COMMD10: variants seen among roughly 807,000 people sequenced by gnomAD.
The protein encoded by COMMD10 is COMM domain containing 10, also known as COMM domain-containing protein 10.
Under a neutral mutation model 28.9 loss-of-function variants are expected in COMMD10, and 33 were observed. That is an observed-to-expected ratio of 1.14 (90% CI 0.87 to 1.53). The LOEUF (loss-of-function observed/expected upper bound fraction) is 1.53, where lower values mean the gene tolerates loss of function less well. Among genes scored for constraint, COMMD10 ranks in the 40% most tolerant of loss-of-function variants. The pLI, the probability that COMMD10 is intolerant of heterozygous loss-of-function variation, is 0.00. For missense variants in COMMD10, 310 were observed against 233.4 expected, an observed-to-expected ratio of 1.33 and a Z score of -2.14; for synonymous variants, 110 against 81.7, an observed-to-expected ratio of 1.35 and a Z score of -1.87.
intron 5 of COMMD10, among the ~76,000 whole-genome samples, chr5:116,172,242 G>A (rs571830641): frequency 2.0e-5 from 3 of 152,094 alleles, no homozygotes; most frequent in Non-Finnish European, 4.4e-5. Context: ...GGAGGGAGGT[G>A]TGAGAGGAAA....
intron 4 of COMMD10, among the ~76,000 whole-genome samples, chr5:116,104,216 G>C (rs932809448): frequency 6.6e-6 from 1 of 152,150 alleles, no homozygotes; most frequent in African/African-American, 2.4e-5. Context: ...GGATAGCATT[G>C]AATCTATAAA....
At chr5:116,269,590 A>G (rs1180004280) in intron 5 of COMMD10, among the ~76,000 whole-genome samples, 1 of 151,830 alleles carries the variant, frequency 6.6e-6, no homozygotes, top group East Asian at 1.9e-4. Flanking sequence ...CATTTATAAA[A>G]TTATATGTTT....
At chr5:116,222,428 A>G (rs554519546) in intron 5 of COMMD10, among the ~76,000 whole-genome samples, 1 of 152,212 alleles carries the variant, frequency 6.6e-6, no homozygotes, top group Admixed American at 6.5e-5. Flanking sequence ...CCATTAGGGT[A>G]TCAAAGTCTT....
intron 5 of COMMD10, among the ~76,000 whole-genome samples, chr5:116,168,697 C>T (rs957584481): frequency 6.6e-6 from 1 of 152,148 alleles, no homozygotes; most frequent in African/African-American, 2.4e-5. Context: ...CACACAAATA[C>T]ATGGAAACTG....
intron 5 of COMMD10, among the ~76,000 whole-genome samples, chr5:116,191,488 TA>T (rs1330376424): frequency 2.0e-5 from 3 of 151,772 alleles, no homozygotes; most frequent in Non-Finnish European, 4.4e-5. Flanking sequence ...TTGGTTTGCA[TA>T]AGAGCTGGGT....
intron 5 of COMMD10, among the ~76,000 whole-genome samples, chr5:116,153,014 G>C (rs1416782178): frequency 6.6e-6 from 1 of 152,000 alleles, no homozygotes; most frequent in Admixed American, 6.6e-5. Flanking sequence ...TGGCATGGTA[G>C]TAACTGTTTA....
chr5:116,098,751 A>G lies in COMMD10; in HGVS notation c.399+6051A>G, dbSNP rs114686039. On this transcript the variant is annotated intron_variant, in intron 4 of 6. Coordinates refer to ENST00000274458, the MANE Select transcript of COMMD10 (RefSeq NM_016144.4). The stretch of plus-strand genomic sequence containing the variant: ...TCTGAATTCAAAGAGGGTAAGATCA[A>G]TGAAATAATGTTAAAAAATCAAAAG... Among the ~76,000 whole-genome samples, 1,075 of 152,330 alleles carry G rather than the reference A, an allele frequency of 7.1e-3. 15 individuals are homozygous for G. The highest frequency in any genetic ancestry group is 0.025 in the African/African-American group (1,032 of 41,580).
intron 4 of COMMD10, among the ~76,000 whole-genome samples, chr5:116,094,032 TA>T (rs1750388800): frequency 1.3e-5 from 2 of 152,124 alleles, no homozygotes; most frequent in African/African-American, 4.8e-5. Flanking sequence ...CAAAATTGAT[TA>T]AAGACTTAAA....
intron 5 of COMMD10, among the ~76,000 whole-genome samples, chr5:116,201,104 C>G (rs1453908948): frequency 1.3e-5 from 2 of 152,128 alleles, no homozygotes; most frequent in Non-Finnish European, 2.9e-5. Context: ...TTTCTTTCTC[C>G]CACCTGGAAG....
intron 5 of COMMD10, among the ~76,000 whole-genome samples, chr5:116,161,615 G>T (rs764760282): frequency 6.6e-6 from 1 of 151,976 alleles, no homozygotes; most frequent in Admixed American, 6.6e-5. Flanking sequence ...TAGCAATAGA[G>T]TAAGTTAGAG....
intron 5 of COMMD10, among the ~76,000 whole-genome samples, chr5:116,289,272 C>G (rs904046645): frequency 6.6e-6 from 1 of 151,548 alleles, no homozygotes; most frequent in Non-Finnish European, 1.5e-5. Flanking sequence ...GGTAAGTGTC[C>G]CGAGTTTTAT....
chr5:116,242,488 T>C (rs2112664447), intron 5 of COMMD10, among the ~76,000 whole-genome samples: 1 of 152,334 alleles, frequency 6.6e-6, no homozygotes, highest in South Asian at 2.1e-4. Context: ...ATTATTATCA[T>C]CATCTTACAG....
intron 5 of COMMD10, among the ~76,000 whole-genome samples, chr5:116,249,085 CATGGTT>C (rs1750040234): frequency 6.6e-6 from 1 of 151,824 alleles, no homozygotes; most frequent in Non-Finnish European, 1.5e-5. Context: ...CACATCAGAG[CATGGTT>C]ACCATTCATA....
At chr5:116,244,175 G>C (rs1442803571) in intron 5 of COMMD10, among the ~76,000 whole-genome samples, 1 of 151,874 alleles carries the variant, frequency 6.6e-6, no homozygotes, top group African/African-American at 2.4e-5. Context: ...TATAGGTTGA[G>C]GTAGGGACTG....
chr5:116,283,488 A>G (rs1402604846), intron 5 of COMMD10, among the ~76,000 whole-genome samples: 2 of 151,556 alleles, frequency 1.3e-5, no homozygotes, highest in Non-Finnish European at 2.9e-5. Flanking sequence ...CTGGAATTAC[A>G]GGCACCCACC....
At chr5:116,243,731 T>C (rs1279136848) in intron 5 of COMMD10, among the ~76,000 whole-genome samples, 1 of 152,098 alleles carries the variant, frequency 6.6e-6, no homozygotes. Flanking sequence ...CTACCACCAG[T>C]AGTATGTAGA....
intron 5 of COMMD10, among the ~76,000 whole-genome samples, chr5:116,200,704 A>G (rs762730458): frequency 4.0e-5 from 6 of 151,810 alleles, no homozygotes; most frequent in South Asian, 2.1e-4. Flanking sequence ...TGTCCATTCA[A>G]CGGCATTCTT....
chr5:116,150,070 C>T (rs1274781077), intron 5 of COMMD10, among the ~76,000 whole-genome samples: 4 of 152,132 alleles, frequency 2.6e-5, no homozygotes, highest in Non-Finnish European at 4.4e-5. Context: ...CAGCTTTCTA[C>T]ATATGGCTAG....
intron 5 of COMMD10, among the ~76,000 whole-genome samples, chr5:116,246,860 A>G (rs1256500783): frequency 6.6e-6 from 1 of 152,110 alleles, no homozygotes; most frequent in African/African-American, 2.4e-5. Context: ...GTAAAGCACA[A>G]AAGTATAAAA....
Sources: allele counts gnomAD v4.1 joint callset (sites outside exome capture counted in the v4.1 genomes callset), GRCh38; gene constraint gnomAD v4.1.1; transcripts MANE v1.5; gene names NCBI Gene and HGNC (gene_info 2026-07-23, HGNC 2026-07-21).